The following TAF3 variants were observed in gnomAD, a reference collection of about 807,000 sequenced individuals.
TAF3 encodes TATA-box binding protein associated factor 3.
TAF3 carries 7 observed loss-of-function variants against 80.6 expected under a neutral mutation model. The ratio of observed to expected loss-of-function variants is 0.09; its 90% CI spans 0.05 to 0.16. The LOEUF (loss-of-function observed/expected upper bound fraction) is 0.16. Ranked by LOEUF, TAF3 falls within the 10% of genes least tolerant of loss-of-function variation. The pLI is 1.00. For missense variants in TAF3, 921 were observed against 1,140.2 expected, an observed-to-expected ratio of 0.81 and a Z score of 2.77; for synonymous variants, 444 against 446.1, an observed-to-expected ratio of 1.00 and a Z score of 0.06.
chr10:7,861,146 A>G (rs1837141819), intron 2 of TAF3, among the ~76,000 whole-genome samples: 1 of 151,790 alleles, frequency 6.6e-6, no homozygotes, highest in Non-Finnish European at 1.5e-5. Flanking sequence ...TTGTATGTTT[A>G]GTAGAGATTG....
chr10:7,840,074 A>G (rs1836895420), intron 2 of TAF3, among the ~76,000 whole-genome samples: 1 of 152,316 alleles, frequency 6.6e-6, no homozygotes, highest in East Asian at 1.9e-4. Flanking sequence ...GGGAGTATTT[A>G]AGGGATTGAA....
In TAF3 at chr10:7,818,630, A is replaced by G; in HGVS notation, c.-80A>G. ...CCCGCCGCGGAAGCCCTAGAGGATG[A>G]ATCGGGGACCCTGCTAAGGTCTGGC... On this transcript the variant is annotated 5_prime_UTR_variant, in exon 1 of 7. Transcript: ENST00000344293. The G allele has an allele frequency of 6.8e-7, 1 of 1,478,410 alleles. No homozygotes were observed. Among genetic ancestry groups the G allele is most frequent in the Non-Finnish European group, 9.0e-7 (1 of 1,113,278 alleles). 91.6% of individuals were successfully genotyped at this position (1,478,410 alleles called of 1,614,324 possible).
chr10:7,906,649 A>G (rs1837610859), intron 2 of TAF3, among the ~76,000 whole-genome samples: 1 of 152,042 alleles, frequency 6.6e-6, no homozygotes, highest in Non-Finnish European at 1.5e-5. Flanking sequence ...CCAAACAGGA[A>G]AATATTGAAA....
Position 7,965,594 on chromosome 10 carries a change from A to G in TAF3, c.2084A>G (p.Lys695Arg), listed in dbSNP as rs747866462. 4.2e-5 allele frequency: 67 copies of G among 1,600,346 alleles called. No individual in the cohort carries two copies. In the Middle Eastern group the frequency reaches 8.3e-4, roughly 20 times the overall value. ...LPEKLFEEKE[K>R]VKEKEKKKDK... ...GAAAAACTGTTTGAGGAGAAAGAGA[A>G]GGTGAAGGAGAAAGAAAAGAAAAAG... The change falls in exon 3 of 7, where the codon AAG (lysine) becomes AGG (arginine). Residue 695 changes from lysine (K) to arginine (R), a missense_variant. Lys to Arg is a conservative substitution (Grantham distance 26, BLOSUM62 2). This residue lies in a region of TAF3 where 743 missense variants were observed against 821.0 expected (regional missense o/e 0.90). Transcript: ENST00000344293.
Position 7,964,017 on chromosome 10 carries a change from T to C in TAF3, c.507T>C (p.Ile169=), listed in dbSNP as rs1831539176. The change falls in exon 3 of 7, where the codon ATT becomes ATC. Residue 169 remains isoleucine (I), a synonymous_variant. Transcript: ENST00000344293. The surrounding 1 kb of genome is among the most constrained non-coding windows in gnomAD (Gnocchi z 4.1). ...EEDDELEEEE[I]INDENFLGKR... ...ATGATGAATTGGAGGAGGAAGAAAT[T>C]ATTAATGATGAGAATTTCCTGGGCA... is the stretch of plus-strand genomic sequence containing the variant. 1.2e-6 allele frequency: 2 copies of C among 1,613,936 alleles called. No individual in the cohort carries two copies. Among genetic ancestry groups the C allele is most frequent in the Non-Finnish European group, 1.7e-6 (2 of 1,180,016 alleles).
intron 2 of TAF3, among the ~76,000 whole-genome samples, chr10:7,898,510 C>T (rs568929621): frequency 5.5e-5 from 8 of 144,962 alleles, no homozygotes; most frequent in African/African-American, 2.1e-4. Flanking sequence ...CACGCCACTG[C>T]GCTCCAGATT....
At chr10:7,898,931 G>C (rs545937755) in intron 2 of TAF3, among the ~76,000 whole-genome samples, 2 of 152,164 alleles carry the variant, frequency 1.3e-5, no homozygotes, top group East Asian at 3.9e-4. Context: ...GTACTGTCAG[G>C]GATGGCAAGT....
At chr10:7,874,157 T>G (rs1837293814) in intron 2 of TAF3, among the ~76,000 whole-genome samples, 1 of 152,222 alleles carries the variant, frequency 6.6e-6, no homozygotes, top group African/African-American at 2.4e-5. Flanking sequence ...TCTATCTGAA[T>G]GGAGCTCAGG....
intron 2 of TAF3, among the ~76,000 whole-genome samples, chr10:7,827,850 C>T (rs1047166716): frequency 1.3e-5 from 2 of 151,158 alleles, no homozygotes; most frequent in South Asian, 2.1e-4. Context: ...TCCCAGCTAT[C>T]AGAGTCTGTG....
chr10:7,964,629 T>C lies in TAF3; in HGVS notation c.1119T>C (p.Ser373=). The change falls in exon 3 of 7, where the codon AGT becomes AGC. Residue 373 remains serine, a synonymous_variant. Transcript: ENST00000344293. This position sits in a 1 kb window ranked among gnomAD's most constrained non-coding sequence, Gnocchi z 4.1. ...QTPPDAGKLN[S]ENQPKKAVVA... ...CCCCTGATGCTGGGAAACTGAACAG[T>C]GAGAATCAGCCGAAAAAGGCTGTGG... 1.2e-6 allele frequency: 2 copies of C among 1,613,910 alleles called. No individual in the cohort carries two copies. Among genetic ancestry groups the C allele is most frequent in the Non-Finnish European group, 1.7e-6 (2 of 1,179,960 alleles).
At chr10:7,920,298 A>G (rs1466237233) in intron 2 of TAF3, among the ~76,000 whole-genome samples, 2 of 114,496 alleles carry the variant, frequency 1.7e-5, no homozygotes, top group East Asian at 5.8e-4. Flanking sequence ...ATTTAAACAT[A>G]CGTGTGTGTG....
intron 4 of TAF3, among the ~76,000 whole-genome samples, chr10:7,989,349 A>T (rs1163284429): frequency 6.6e-6 from 1 of 152,192 alleles, no homozygotes; most frequent in East Asian, 1.9e-4. Flanking sequence ...CTGTGTAGAG[A>T]CAGGCAAACC....
intron 2 of TAF3, among the ~76,000 whole-genome samples, chr10:7,856,235 G>A (rs1837078184): frequency 6.6e-6 from 1 of 152,198 alleles, no homozygotes; most frequent in Non-Finnish European, 1.5e-5. Context: ...CAGCACTTTG[G>A]GAGGCCGAGG....
chr10:7,947,637 C>T (rs1032457458), intron 2 of TAF3, among the ~76,000 whole-genome samples: 2 of 152,106 alleles, frequency 1.3e-5, no homozygotes, highest in African/African-American at 4.8e-5. Context: ...GCTGCGAGAG[C>T]GTTGGGGAGA....
intron 2 of TAF3, among the ~76,000 whole-genome samples, chr10:7,846,158 C>CT (rs1200073705): frequency 7.9e-5 from 12 of 151,964 alleles, no homozygotes; most frequent in Non-Finnish European, 1.5e-4. Context: ...GGGGTTTCAC[C>CT]GTGTTAGCCA....
chr10:7,989,023 AAT>A (rs1831807636), intron 4 of TAF3, among the ~76,000 whole-genome samples: 1 of 152,092 alleles, frequency 6.6e-6, no homozygotes, highest in South Asian at 2.1e-4. Flanking sequence ...TGTTTTATAA[AAT>A]ATGTTTTATC....
chr10:7,878,504 T>A (rs1837330225), intron 2 of TAF3, among the ~76,000 whole-genome samples: 1 of 151,988 alleles, frequency 6.6e-6, no homozygotes. Flanking sequence ...TTGATCTGAG[T>A]GTGTTCAGCT....
At chr10:7,949,489 C>A (rs11255455) in intron 2 of TAF3, among the ~76,000 whole-genome samples, 53,533 of 152,148 alleles carry the variant, frequency 0.35, 10,675 homozygotes, top group Admixed American at 0.48. Context: ...CCCTTTGCAT[C>A]GCATTATGTA....
intron 2 of TAF3, among the ~76,000 whole-genome samples, chr10:7,843,646 C>CTTT (rs34180336): frequency 4.1e-4 from 58 of 142,510 alleles, no homozygotes; most frequent in South Asian, 2.0e-3. Context: ...CTTTCTCACT[C>CTTT]TTTTTTTTTT....
Sources: gnomAD v4.1 joint callset for allele counts (sites outside exome capture counted in the v4.1 genomes callset) on GRCh38, gnomAD v4.1.1 for gene constraint, gnomAD v4.1.1 regional missense constraint, Gnocchi (gnomAD v3.1) non-coding constraint, MANE v1.5 for transcripts, NCBI Gene and HGNC (gene_info 2026-07-23, HGNC 2026-07-21) for gene names.